DCTN4: variants seen among roughly 807,000 people sequenced by gnomAD.
DCTN4 encodes the protein dynactin subunit 4.
Under a neutral mutation model 62.7 loss-of-function variants are expected in DCTN4, and 23 were observed. The observed-to-expected ratio is 0.37, with a 90% confidence interval of 0.26 to 0.52. The LOEUF (loss-of-function observed/expected upper bound fraction) is 0.52, where lower values mean the gene tolerates loss of function less well. Ranked by LOEUF, DCTN4 falls within the 20% of genes least tolerant of loss-of-function variation. The pLI, the probability that DCTN4 is intolerant of heterozygous loss-of-function variation, is 0.92. For synonymous variants in DCTN4, 199 were observed against 202.1 expected, an observed-to-expected ratio of 0.98 and a Z score of 0.13; for missense variants, 514 against 580.4, an observed-to-expected ratio of 0.89 and a Z score of 1.18.
chr5:150,753,620 T>C lies in DCTN4; in HGVS notation c.244A>G (p.Thr82Ala), dbSNP rs750864542. The C allele has an allele frequency of 1.2e-6, 2 of 1,613,742 alleles. No homozygotes were observed. Among genetic ancestry groups the C allele is most frequent in the Non-Finnish European group, 1.7e-6 (2 of 1,179,848 alleles). ...NCFDCPGCMH[T>A]LSTRATSIST... ...ATGCTCGTGGCCCGAGTAGAGAGGG[T>C]GTGCATGCAGCCAGGACAGTCAAAA... The change falls in exon 3 of 13, where the codon ACC becomes GCC. Residue 82 changes from threonine (T) to alanine (A), a missense_variant. By Grantham distance (58) the Thr-to-Ala change is moderately conservative. Transcript: ENST00000447998.
intron 12 of DCTN4, among the ~76,000 whole-genome samples, chr5:150,713,786 A>G (rs1309288030): frequency 6.6e-6 from 1 of 151,780 alleles, no homozygotes; most frequent in Non-Finnish European, 1.5e-5. Flanking sequence ...CTTCTCTCTA[A>G]TATCTTGTTG....
chr5:150,752,009 A>G (rs1752692629), intron 3 of DCTN4, among the ~76,000 whole-genome samples: 1 of 152,190 alleles, frequency 6.6e-6, no homozygotes, highest in Non-Finnish European at 1.5e-5. Context: ...CTCATTTATT[A>G]GTCAATAAGC....
intron 5 of DCTN4, among the ~76,000 whole-genome samples, chr5:150,732,961 A>C (rs1760440222): frequency 6.6e-6 from 1 of 152,176 alleles, no homozygotes; most frequent in Non-Finnish European, 1.5e-5. Flanking sequence ...ATTATAACTA[A>C]AGCTGAGAAA....
chr5:150,733,120 G>C (rs1038369223), intron 5 of DCTN4, among the ~76,000 whole-genome samples: 2 of 152,126 alleles, frequency 1.3e-5, no homozygotes, highest in African/African-American at 4.8e-5. Context: ...AGCCTTTCTG[G>C]GGAAATAATC....
chr5:150,735,914 TAA>T (rs4036951), intron 4 of DCTN4, among the ~76,000 whole-genome samples: 18,658 of 125,960 alleles, frequency 0.15, 1,998 homozygotes, highest in African/African-American at 0.32. Flanking sequence ...TTAAGGGAAT[TAA>T]AAAAAAAAAA....
chr5:150,731,862 C>T (rs936104568), intron 5 of DCTN4: 1 of 1,550,680 alleles, frequency 6.4e-7, no homozygotes, highest in Non-Finnish European at 8.7e-7. Context: ...TCAGGGTCAG[C>T]AAGAATCATA....
intron 3 of DCTN4, among the ~76,000 whole-genome samples, chr5:150,742,370 C>T (rs1760799296): frequency 6.6e-6 from 1 of 152,158 alleles, no homozygotes; most frequent in South Asian, 2.1e-4. Context: ...GCCACTGTGC[C>T]AGGCACTTGA....
At chr5:150,758,824 C>T (rs775645320) in intron 1 of DCTN4, 35 bp downstream of exon 1, 4 of 1,606,786 alleles carry the variant, frequency 2.5e-6, no homozygotes, top group South Asian at 1.1e-5. Context: ...GCGCCCCCCC[C>T]ACCCCACATA....
At position 150,711,587 on chromosome 5, in the gene DCTN4, CCT is replaced by C. The variant is rs992463350; in HGVS notation, c.1170-227_1170-226del. 9.9e-5 allele frequency among the ~76,000 whole-genome samples: 15 copies of C among 152,270 alleles called. 1 individual carries two copies. Among genetic ancestry groups the C allele is most frequent in the Admixed American group, 8.5e-4 (13 of 15,292 alleles). On this transcript the variant is annotated intron_variant, in intron 12 of 12. Coordinates refer to ENST00000447998, the MANE Select transcript of DCTN4 (RefSeq NM_016221.4). ...ATGGCTCCACCTTGGGTCACTGCAA[CCT>C]CTGTTTCACGGGCTCAAGTAACTCT...
At chr5:150,753,115 TCAACCTCC>T (rs1363459626) in intron 3 of DCTN4, among the ~76,000 whole-genome samples, 3 of 152,206 alleles carry the variant, frequency 2.0e-5, no homozygotes, top group Non-Finnish European at 2.9e-5. Flanking sequence ...TCTGCCCGCC[TCAACCTCC>T]CAAAGTGCTG....
At chr5:150,755,612 C>T (rs1752832517) in intron 2 of DCTN4, 3 of 455,904 alleles carry the variant, frequency 6.6e-6, no homozygotes, top group Non-Finnish European at 1.3e-5. Context: ...AAATGACATT[C>T]TATAAAATAC....
At chr5:150,751,333 T>C (rs917982362) in intron 3 of DCTN4, among the ~76,000 whole-genome samples, 4 of 151,358 alleles carry the variant, frequency 2.6e-5, no homozygotes, top group Non-Finnish European at 5.9e-5. Context: ...CTAGAGGAGA[T>C]ACAGTTCTAG....
At chr5:150,742,979 C>G (rs1355114559) in intron 3 of DCTN4, 1 of 156,172 alleles carries the variant, frequency 6.4e-6, no homozygotes, top group Non-Finnish European at 1.4e-5. Context: ...GGGTGCAGGA[C>G]AGTGGGTGCA....
intron 3 of DCTN4, among the ~76,000 whole-genome samples, chr5:150,746,933 G>A (rs1296447602): frequency 6.6e-6 from 1 of 152,108 alleles, no homozygotes; most frequent in East Asian, 1.9e-4. Flanking sequence ...TGGGAGTTCT[G>A]GCCAGGGCAA....
Position 150,741,164 on chromosome 5 carries a change from C to CAAAAAAA in DCTN4, c.429+943_429+949dup, listed in dbSNP as rs754641920. Among the ~76,000 whole-genome samples the CAAAAAAA allele has an allele frequency of 1.9e-3, 113 of 58,294 alleles. 2 individuals carry two copies. Among genetic ancestry groups the CAAAAAAA allele is most frequent in the African/African-American group, 5.3e-3 (98 of 18,366 alleles). The allele number at this position is 58,294 out of a possible 152,430, so 38.2% of individuals were successfully genotyped here. A position where few individuals can be genotyped will look rare whatever the true frequency, so the allele number is the denominator to read the frequency against. Reference sequence around the variant, plus strand: ...TGGGTGACAGAGTGAGATCCTGTCTCAAAAAAAAAAAAAAAAAAAAAGTTC... The same window carrying CAAAAAAA: ...TGGGTGACAGAGTGAGATCCTGTCTCAAAAAAAAAAAAAAAAAAAAAAAAAAAAGTTC... On this transcript the variant is annotated intron_variant, in intron 4 of 12. Transcript: ENST00000447998.
rs78781202 is a variant in DCTN4, at chr5:150,720,228, A to G, written c.909-458T>C. Among the ~76,000 whole-genome samples the G allele has an allele frequency of 8.8e-3, 1,342 of 152,332 alleles. 20 individuals are homozygous for G. Among genetic ancestry groups the G allele is most frequent in the African/African-American group, 0.031 (1,270 of 41,556 alleles). On this transcript the variant is annotated intron_variant, in intron 9 of 12. Transcript: ENST00000447998. The stretch of plus-strand genomic sequence containing the variant: ...CATACATTAACGTAATACGAAATCT[A>G]TTGCAGAAACATTAAAAGTGGGGGA...
rs559809478 is a variant in DCTN4 at position 150,715,162 on chromosome 5, G to T, written c.1169+403C>A. Among the ~76,000 whole-genome samples, 14 of 151,938 alleles carry T rather than the reference G, an allele frequency of 9.2e-5. No individual in the cohort carries two copies. The South Asian group carries it at 2.9e-3, about 32-fold the overall frequency. The stretch of plus-strand genomic sequence containing the variant: ...TAAAATCTATTAATTCCTCCAAGGG[G>T]GTGGGGGTGGGGAACAAACCCGATG... On this transcript the variant is annotated intron_variant, in intron 12 of 12. Coordinates refer to ENST00000447998, the MANE Select transcript of DCTN4 (RefSeq NM_016221.4).
chr5:150,749,524 G>A (rs1268535579), intron 3 of DCTN4, among the ~76,000 whole-genome samples: 1 of 152,106 alleles, frequency 6.6e-6, no homozygotes, highest in Non-Finnish European at 1.5e-5. Context: ...TTGGAAAACA[G>A]TTGGGCATTG....
chr5:150,755,938 A>C lies in DCTN4; in HGVS notation c.206+479T>G, dbSNP rs544116990. Among the ~76,000 whole-genome samples the C allele has an allele frequency of 2.6e-5, 4 of 152,330 alleles. No homozygotes were observed. In the East Asian group the frequency reaches 7.7e-4, roughly 29 times the overall value. On this transcript the variant is annotated intron_variant, in intron 2 of 12. Coordinates refer to ENST00000447998, the MANE Select transcript of DCTN4 (RefSeq NM_016221.4). ...AATTCTGAAGTACAAAACTGTTCTA[A>C]AGTAGAAAATCTATTTCAAAAATCA...
Sources: allele counts gnomAD v4.1 joint callset (sites outside exome capture counted in the v4.1 genomes callset), GRCh38; gene constraint gnomAD v4.1.1; transcripts MANE v1.5; gene names NCBI Gene and HGNC (gene_info 2026-07-23, HGNC 2026-07-21).